ZMAT3: variants seen among roughly 807,000 people sequenced by gnomAD.
ZMAT3 encodes zinc finger matrin-type 3.
ZMAT3 carries 17 observed loss-of-function variants against 32.3 expected under a neutral mutation model. The ratio of observed to expected loss-of-function variants is 0.53; its 90% CI spans 0.36 to 0.79. The LOEUF (loss-of-function observed/expected upper bound fraction) is 0.79, where lower values mean the gene tolerates loss of function less well. Among genes scored for constraint, ZMAT3 ranks in the 30% least tolerant of loss-of-function variants. The pLI is 0.00. For synonymous variants in ZMAT3, 120 were observed against 133.1 expected, an observed-to-expected ratio of 0.90 and a Z score of 0.68; for missense variants, 329 against 359.7, an observed-to-expected ratio of 0.91 and a Z score of 0.69.
At chr3:179,053,857 A>G (rs997392566) in intron 2 of ZMAT3, among the ~76,000 whole-genome samples, 5 of 152,254 alleles carry the variant, frequency 3.3e-5, no homozygotes, top group Admixed American at 6.5e-5. Flanking sequence ...TAAAGGAGAC[A>G]TGAAAACTAC....
rs1453210305 is a variant in ZMAT3 at position 179,017,823 on chromosome 3, AAGG to A, written c.*7191_*7193del. 2 of 152,176 alleles carry A rather than the reference AAGG, an allele frequency of 1.3e-5. No homozygotes were observed. The highest frequency in any genetic ancestry group is 2.9e-5 in the Non-Finnish European group (2 of 68,038). The allele number at this position is 152,176 out of a possible 1,614,324, so 9.4% of individuals were successfully genotyped here. On this transcript the variant is annotated 3_prime_UTR_variant, in exon 6 of 6. Coordinates refer to ENST00000311417, the MANE Select transcript of ZMAT3 (RefSeq NM_022470.4). Reference sequence around the variant, plus strand: ...GCTTCTGAATCTAGAGCATATTTCCAAGGAGAAGCAACTTATTGTCCCAGCAGA... The same window carrying A: ...GCTTCTGAATCTAGAGCATATTTCCAAGAAGCAACTTATTGTCCCAGCAGA...
At chr3:179,029,907 T>C (rs1277539878) in intron 3 of ZMAT3, among the ~76,000 whole-genome samples, 1 of 152,222 alleles carries the variant, frequency 6.6e-6, no homozygotes, top group Non-Finnish European at 1.5e-5. Context: ...CACCTCACCA[T>C]AGTCCCAGCC....
rs1276656079 is a variant in ZMAT3 at position 179,025,016 on chromosome 3, A to G, written c.*1T>C. 1.2e-6 allele frequency: 2 copies of G among 1,613,696 alleles called. No individual in the cohort carries two copies. The highest frequency in any genetic ancestry group is 1.1e-5 in the South Asian group (1 of 91,066). ...GCTGCTCTATCTTAATATGATAATC[A>G]CTATACATATCCCAGATTCTCCATC... On this transcript the variant is annotated 3_prime_UTR_variant, in exon 6 of 6. Transcript: ENST00000311417.
intron 5 of ZMAT3, 28 bp downstream of exon 5, chr3:179,027,395 C>T: frequency 6.3e-7 from 1 of 1,595,598 alleles, no homozygotes; most frequent in Non-Finnish European, 8.6e-7. Flanking sequence ...CAGAATGTAC[C>T]CAAGGTATGT....
chr3:179,071,143 AC>A (rs1312724216), intron 1 of ZMAT3, among the ~76,000 whole-genome samples: 2 of 152,332 alleles, frequency 1.3e-5, no homozygotes, highest in East Asian at 3.9e-4. Flanking sequence ...GCTCAAAAGA[AC>A]GCAGAAAACT....
At chr3:179,047,621 G>C (rs187586122) in intron 2 of ZMAT3, among the ~76,000 whole-genome samples, 1 of 152,162 alleles carries the variant, frequency 6.6e-6, no homozygotes, top group Non-Finnish European at 1.5e-5. Context: ...GGGAGGCTGA[G>C]GCAGGCAGAT....
In ZMAT3 at chr3:179,022,414, T is replaced by C. The variant is rs932624409; in HGVS notation, c.*2603A>G. On this transcript the variant is annotated 3_prime_UTR_variant, in exon 6 of 6. Transcript: ENST00000311417. ...TGAAATACCTCTCTATGACAACATA[T>C]ATGTACGTGTGTGTGTGGGGGTATG... is the stretch of plus-strand genomic sequence containing the variant. 7 of 152,154 alleles carry C rather than the reference T, an allele frequency of 4.6e-5. No individual in the cohort carries two copies. Among genetic ancestry groups the C allele is most frequent in the African/African-American group, 1.2e-4 (5 of 41,452 alleles). 9.4% of individuals were successfully genotyped at this position (152,154 alleles called of 1,614,324 possible). A position where few individuals can be genotyped will look rare whatever the true frequency, so the allele number is the denominator to read the frequency against.
At chr3:179,031,317 T>C (rs540299038) in intron 2 of ZMAT3, among the ~76,000 whole-genome samples, 7 of 151,504 alleles carry the variant, frequency 4.6e-5, no homozygotes, top group Middle Eastern at 3.4e-3. Flanking sequence ...TGATATCTCC[T>C]ATGGATAAAA....
chr3:179,036,457 T>C (rs924511065), intron 2 of ZMAT3, among the ~76,000 whole-genome samples: 1 of 151,950 alleles, frequency 6.6e-6, no homozygotes, highest in Non-Finnish European at 1.5e-5. Flanking sequence ...TGGAGACAGA[T>C]AACAGCTTGC....
chr3:179,039,009 G>A (rs1719760164), intron 2 of ZMAT3, among the ~76,000 whole-genome samples: 1 of 152,244 alleles, frequency 6.6e-6, no homozygotes, highest in Admixed American at 6.5e-5. Flanking sequence ...GGCTGGGGGA[G>A]GGGCCTCAGC....
intron 2 of ZMAT3, among the ~76,000 whole-genome samples, chr3:179,041,451 T>A (rs1484776187): frequency 6.6e-6 from 1 of 152,142 alleles, no homozygotes. Context: ...CACAACTACA[T>A]GGAAACTGAA....
At chr3:179,033,190 A>G (rs1324714676) in intron 2 of ZMAT3, among the ~76,000 whole-genome samples, 1 of 152,188 alleles carries the variant, frequency 6.6e-6, no homozygotes, top group African/African-American at 2.4e-5. Flanking sequence ...CCTTACCCCC[A>G]ACCCCGTGCT....
At position 179,021,454 on chromosome 3, in the gene ZMAT3, T is replaced by C. The variant is rs1718536878; in HGVS notation, c.*3563A>G. ...ATTGTCATCTTCTAACGTTGATTTT[T>C]TATGACAACTTACACAAAGATATTA... On this transcript the variant is annotated 3_prime_UTR_variant, in exon 6 of 6. Coordinates refer to ENST00000311417, the MANE Select transcript of ZMAT3 (RefSeq NM_022470.4). 1 of 152,232 alleles carries C rather than the reference T, an allele frequency of 6.6e-6. No individual in the cohort carries two copies. The highest frequency in any genetic ancestry group is 2.4e-5 in the African/African-American group (1 of 41,470). The allele number at this position is 152,232 out of a possible 1,614,324, so 9.4% of individuals were successfully genotyped here.
chr3:179,030,237 T>A (rs1401512876), intron 3 of ZMAT3, among the ~76,000 whole-genome samples: 1 of 152,096 alleles, frequency 6.6e-6, no homozygotes, highest in African/African-American at 2.4e-5. Context: ...ATTTTGCAAC[T>A]GGAAGGCAAA....
intron 5 of ZMAT3, among the ~76,000 whole-genome samples, chr3:179,026,403 T>G (rs867780017): frequency 1.2e-4 from 17 of 143,900 alleles, no homozygotes; most frequent in Middle Eastern, 3.6e-3. Flanking sequence ...TTTTTTTTTT[T>G]TGAGACAGAG....
chr3:179,057,802 C>T (rs139840396), intron 2 of ZMAT3, among the ~76,000 whole-genome samples: 18 of 152,266 alleles, frequency 1.2e-4, no homozygotes, highest in African/African-American at 4.1e-4. Context: ...GGGTTTCTGC[C>T]GAATATGGAT....
chr3:179,045,575 T>A (rs1247693767), intron 2 of ZMAT3, among the ~76,000 whole-genome samples: 1 of 151,982 alleles, frequency 6.6e-6, no homozygotes, highest in Non-Finnish European at 1.5e-5. Context: ...TCTAAAAATA[T>A]AAAAAACAAC....
At position 179,027,452 on chromosome 3, in the gene ZMAT3, C is replaced by T; in HGVS notation, c.629G>A (p.Arg210Lys). 1 of 1,614,222 alleles carries T rather than the reference C, an allele frequency of 6.2e-7. No homozygotes were observed. Among genetic ancestry groups the T allele is most frequent in the Non-Finnish European group, 8.5e-7 (1 of 1,180,042 alleles). ...GNEFKMMPNR[R>K]NMYTVQNNSA... ...ATTATTCTGTACTGTATACATATTT[C>T]TCCTGTTAGGCATCATCTTAAACTC... The change falls in exon 5 of 6, where the codon AGA becomes AAA. Residue 210 changes from arginine to lysine, a missense_variant. Physicochemically the swap from Arg to Lys is conservative, Grantham distance 26 (BLOSUM62 2). Transcript: ENST00000311417.
intron 5 of ZMAT3, among the ~76,000 whole-genome samples, chr3:179,025,548 T>C (rs1159681151): frequency 6.6e-6 from 1 of 152,232 alleles, no homozygotes; most frequent in Non-Finnish European, 1.5e-5. Context: ...AGAAGTCTTA[T>C]GCTTATGCTA....
Sources: allele counts gnomAD v4.1 joint callset (sites outside exome capture counted in the v4.1 genomes callset), GRCh38; gene constraint gnomAD v4.1.1; transcripts MANE v1.5; gene names NCBI Gene and HGNC (gene_info 2026-07-23, HGNC 2026-07-21).